DNAJC13: variants seen among roughly 807,000 people sequenced by gnomAD.
The protein encoded by DNAJC13 is DnaJ heat shock protein family (Hsp40) member C13, also known as dnaJ homolog subfamily C member 13.
Under a neutral mutation model 290.5 loss-of-function variants are expected in DNAJC13, and 75 were observed. The ratio of observed to expected loss-of-function variants is 0.26; its 90% confidence interval spans 0.21 to 0.31. The LOEUF (loss-of-function observed/expected upper bound fraction) is 0.31. Among genes scored for constraint, DNAJC13 ranks in the 10% least tolerant of loss-of-function variants. The pLI is 1.00. For synonymous variants in DNAJC13, 862 were observed against 892.0 expected, an observed-to-expected ratio of 0.97 and a Z score of 0.60; for missense variants, 2,260 against 2,674.5, an observed-to-expected ratio of 0.85 and a Z score of 3.42.
intron 55 of DNAJC13, among the ~76,000 whole-genome samples, chr3:132,534,586 A>G (rs1009658396): frequency 2.0e-5 from 3 of 152,164 alleles, no homozygotes; most frequent in Admixed American, 1.3e-4. Flanking sequence ...TGGAGGTCAC[A>G]GGTGAGCTGA....
chr3:132,529,913 C>T (rs1321450225), intron 54 of DNAJC13, among the ~76,000 whole-genome samples: 2 of 152,128 alleles, frequency 1.3e-5, no homozygotes, highest in African/African-American at 2.4e-5. Context: ...TGGTTTTTGC[C>T]TATGAGTGTT....
At chr3:132,520,372 G>T (rs1335113441) in intron 48 of DNAJC13, among the ~76,000 whole-genome samples, 1 of 152,184 alleles carries the variant, frequency 6.6e-6, no homozygotes, top group Non-Finnish European at 1.5e-5. Context: ...CATAACTGGA[G>T]ATTTATGGTC....
At chr3:132,526,447 T>C (rs527931108) in intron 53 of DNAJC13, among the ~76,000 whole-genome samples, 166 bp downstream of exon 53, 2 of 152,316 alleles carry the variant, frequency 1.3e-5, no homozygotes, top group African/African-American at 4.8e-5. Context: ...ACACATACAG[T>C]AGTGTGTATA....
chr3:132,433,296 A>G (rs1340228590), intron 1 of DNAJC13, among the ~76,000 whole-genome samples: 2 of 152,184 alleles, frequency 1.3e-5, no homozygotes, highest in Non-Finnish European at 1.5e-5. Context: ...CAGTGGCACA[A>G]TCATAGCTCA....
At chr3:132,471,345 AC>A (rs1313255346) in intron 20 of DNAJC13, among the ~76,000 whole-genome samples, 2,859 of 76,636 alleles carry the variant, frequency 0.037, 79 homozygotes, top group African/African-American at 0.072. Context: ...CGGGGGGTTG[AC>A]CCCCCCCCAC....
At chr3:132,438,249 C>T (rs1939430854) in intron 2 of DNAJC13, among the ~76,000 whole-genome samples, 1 of 152,142 alleles carries the variant, frequency 6.6e-6, no homozygotes, top group Non-Finnish European at 1.5e-5. Flanking sequence ...CTTAACTTCT[C>T]CCTGAAAGAG....
At chr3:132,421,908 C>G (rs1938969264) in intron 1 of DNAJC13, among the ~76,000 whole-genome samples, 8 of 152,138 alleles carry the variant, frequency 5.3e-5, no homozygotes, top group Admixed American at 5.2e-4. Context: ...TATATTAAAC[C>G]CTGCAAAATG....
At position 132,526,298 on chromosome 3, in the gene DNAJC13, A is replaced by G; in HGVS notation, c.6381+17A>G. ...GTAGCACAAGTAAGTGACTTTCTAGATTTAGCACTATTTTAGGAAAGCAAA... is the reference window on the plus strand; with the variant it reads ...GTAGCACAAGTAAGTGACTTTCTAGGTTTAGCACTATTTTAGGAAAGCAAA... On this transcript the variant is annotated intron_variant, in intron 53 of 55. Transcript: ENST00000260818. 1 of 1,613,162 alleles carries G rather than the reference A, an allele frequency of 6.2e-7. No homozygotes were observed. The highest frequency in any genetic ancestry group is 8.5e-7 in the Non-Finnish European group (1 of 1,179,424).
chr3:132,419,653 T>G (rs954320636), intron 1 of DNAJC13, among the ~76,000 whole-genome samples: 1 of 152,232 alleles, frequency 6.6e-6, no homozygotes, highest in Admixed American at 6.5e-5. Flanking sequence ...CTGCTACACA[T>G]ACCTTTCCCC....
At chr3:132,473,621 T>C (rs1262136306) in intron 21 of DNAJC13, among the ~76,000 whole-genome samples, 1 of 152,172 alleles carries the variant, frequency 6.6e-6, no homozygotes, top group East Asian at 1.9e-4. Flanking sequence ...TCCTATCAAA[T>C]GTGGTAACCT....
Position 132,502,460 on chromosome 3 carries a change from A to G in DNAJC13, c.4708A>G (p.Asn1570Asp). 6.2e-7 allele frequency: 1 copy of G among 1,606,816 alleles called. No individual in the cohort carries two copies. The highest frequency in any genetic ancestry group is 8.5e-7 in the Non-Finnish European group (1 of 1,176,320). Residue 1570 changes from asparagine to aspartate, a missense_variant, in exon 40 of 56, where the codon AAC becomes GAC. Coordinates refer to ENST00000260818, the MANE Select transcript of DNAJC13 (RefSeq NM_015268.4). ...TGGCATTCAGAAAAGTGAAGAAACA[A>G]ACCAGCAGGTAACTTTAACATTGCT... Reference protein sequence around the residue: ...ESGIQKSEETNQQEVANSLAK... With the variant: ...ESGIQKSEETDQQEVANSLAK...
chr3:132,513,238 T>C (rs1935831512), intron 45 of DNAJC13, 139 bp downstream of exon 45: 2 of 653,196 alleles, frequency 3.1e-6, no homozygotes, highest in Non-Finnish European at 5.4e-6. Flanking sequence ...ATCAATATTT[T>C]TTGAAATTTG....
chr3:132,441,164 A>G (rs1352078913), intron 2 of DNAJC13, among the ~76,000 whole-genome samples: 1 of 152,212 alleles, frequency 6.6e-6, no homozygotes, highest in South Asian at 2.1e-4. Context: ...GCCTAGGAAA[A>G]AGAATTCGAA....
Position 132,538,340 on chromosome 3 carries a change from G to A in DNAJC13, c.*58G>A, listed in dbSNP as rs1936661577. The A allele has an allele frequency of 7.2e-7, 1 of 1,397,088 alleles. No individual in the cohort carries two copies. Among genetic ancestry groups the A allele is most frequent in the Admixed American group, 1.8e-5 (1 of 56,368 alleles). 86.5% of individuals were successfully genotyped at this position (1,397,088 alleles called of 1,614,324 possible). On this transcript the variant is annotated 3_prime_UTR_variant, in exon 56 of 56. Transcript: ENST00000260818. ...CCAGTGCCAAGTCCACATTCCTCCA[G>A]CTGATACGTTGAAGCAAACTCTTAC...
chr3:132,429,839 G>A (rs1427325967), intron 1 of DNAJC13, among the ~76,000 whole-genome samples: 1 of 152,020 alleles, frequency 6.6e-6, no homozygotes, highest in African/African-American at 2.4e-5. Flanking sequence ...TCAAATAGAG[G>A]AGCAATTTTC....
chr3:132,519,345 T>C (rs1936015267), intron 48 of DNAJC13, among the ~76,000 whole-genome samples: 1 of 152,218 alleles, frequency 6.6e-6, no homozygotes, highest in Non-Finnish European at 1.5e-5. Context: ...ATGGTTTCGA[T>C]CTGCATTTCC....
intron 29 of DNAJC13, among the ~76,000 whole-genome samples, chr3:132,486,082 CTTTTTTT>C (rs758049804): frequency 7.4e-5 from 3 of 40,510 alleles, no homozygotes; most frequent in Non-Finnish European, 1.3e-4. Context: ...ATGCCCTATC[CTTTTTTT>C]TTTTTTTTTT....
At chr3:132,438,635 A>G (rs1932940574) in intron 2 of DNAJC13, among the ~76,000 whole-genome samples, 1 of 152,176 alleles carries the variant, frequency 6.6e-6, no homozygotes, top group South Asian at 2.1e-4. Context: ...TTCTCTTCAT[A>G]TGTCAAAATT....
At chr3:132,441,191 C>T (rs1933054952) in intron 2 of DNAJC13, among the ~76,000 whole-genome samples, 1 of 152,138 alleles carries the variant, frequency 6.6e-6, no homozygotes, top group Admixed American at 6.5e-5. Context: ...GTCTGACTGG[C>T]AGAAGAATTA....
Sources: gnomAD v4.1 joint callset for allele counts (sites outside exome capture counted in the v4.1 genomes callset) on GRCh38, gnomAD v4.1.1 for gene constraint, MANE v1.5 for transcripts, NCBI Gene and HGNC (gene_info 2026-07-23, HGNC 2026-07-21) for gene names.